Variants in GBE1 observed in about 807,000 individuals in gnomAD.
GBE1 encodes the protein 1,4-alpha-glucan branching enzyme 1, also known as 1,4-alpha-glucan-branching enzyme.
In GBE1, 70 loss-of-function variants were observed where a neutral mutation model predicts 88.8. The ratio of observed to expected loss-of-function variants is 0.79; its 90% CI spans 0.65 to 0.96. GBE1 has a LOEUF of 0.96. Ranked by LOEUF, GBE1 falls within the 40% of genes least tolerant of loss-of-function variation. The probability of loss-of-function intolerance (pLI) is 0.00; values close to 1 mark genes in which losing one functional copy is unlikely to be tolerated. For synonymous variants in GBE1, 284 were observed against 300.1 expected (o/e 0.95, Z 0.56); for missense variants, 872 against 871.0 (o/e 1.00, Z -0.01).
chr3:81,611,466 C>T (rs771893939), intron 7 of GBE1, among the ~76,000 whole-genome samples: 8 of 152,110 alleles, frequency 5.3e-5, no homozygotes, highest in Non-Finnish European at 5.9e-5. Flanking sequence ...TATTCAAAGG[C>T]ACACGATGTA....
At chr3:81,609,331 A>C (rs1704142443) in intron 7 of GBE1, among the ~76,000 whole-genome samples, 2 of 152,186 alleles carry the variant, frequency 1.3e-5, no homozygotes, top group African/African-American at 4.8e-5. Context: ...AAACTGAAAC[A>C]GATATTAAGT....
At chr3:81,573,140 T>C (rs937236086) in intron 12 of GBE1, among the ~76,000 whole-genome samples, 2 of 152,228 alleles carry the variant, frequency 1.3e-5, no homozygotes, top group Admixed American at 1.3e-4. Context: ...TAGTTCTAAC[T>C]GAAGAGTTAA....
At chr3:81,618,410 A>G (rs1404883984) in intron 7 of GBE1, among the ~76,000 whole-genome samples, 1 of 152,116 alleles carries the variant, frequency 6.6e-6, no homozygotes, top group Non-Finnish European at 1.5e-5. Context: ...AAGCTTGCAG[A>G]AAATTAGACA....
At position 81,705,588 on chromosome 3, in the gene GBE1, T is replaced by C. The variant is rs772910188; in HGVS notation, c.169A>G (p.Lys57Glu). Residue 57 changes from lysine (K) to glutamate (E), a missense_variant, in exon 2 of 16, where the codon AAG (lysine) becomes GAG (glutamate). By Grantham distance (56) the Lys-to-Glu change is moderately conservative (BLOSUM62 1). Coordinates refer to ENST00000429644, the MANE Select transcript of GBE1 (RefSeq NM_000158.4). ...RRYKQFSQIL[K>E]NIGENEGGID... ...CCACCTTCATTTTCTCCAATGTTCT[T>C]CAAAATTTGGCTAAACTGCTTATAC... The C allele has an allele frequency of 3.8e-6, 6 of 1,567,690 alleles. No homozygotes were observed. Among genetic ancestry groups the C allele is most frequent in the South Asian group, 1.2e-5 (1 of 84,236 alleles).
At chr3:81,577,243 G>A (rs1703661608) in intron 12 of GBE1, among the ~76,000 whole-genome samples, 2 of 151,956 alleles carry the variant, frequency 1.3e-5, no homozygotes, top group African/African-American at 2.4e-5. Flanking sequence ...CCCACCCTGA[G>A]TCTTTTATTG....
At chr3:81,505,875 T>A (rs1702646726) in intron 14 of GBE1, among the ~76,000 whole-genome samples, 1 of 152,154 alleles carries the variant, frequency 6.6e-6, no homozygotes, top group South Asian at 2.1e-4. Flanking sequence ...GCTAGCCATT[T>A]GTAGAAGACT....
intron 12 of GBE1, among the ~76,000 whole-genome samples, chr3:81,551,181 T>A (rs1703268099): frequency 6.6e-6 from 1 of 152,232 alleles, no homozygotes; most frequent in African/African-American, 2.4e-5. Flanking sequence ...AATACAACTT[T>A]AGAACTACTT....
intron 9 of GBE1, among the ~76,000 whole-genome samples, chr3:81,590,766 C>T (rs1703866322): frequency 6.6e-6 from 1 of 152,060 alleles, no homozygotes. Flanking sequence ...AAGGGCCTGT[C>T]CACTGATTAG....
chr3:81,522,589 T>A (rs1327140674), intron 14 of GBE1, among the ~76,000 whole-genome samples: 3 of 151,576 alleles, frequency 2.0e-5, no homozygotes. Flanking sequence ...GATACAATTC[T>A]CCCATTACCT....
intron 1 of GBE1, among the ~76,000 whole-genome samples, chr3:81,726,339 G>C (rs1317468643): frequency 6.6e-6 from 1 of 152,084 alleles, no homozygotes; most frequent in African/African-American, 2.4e-5. Context: ...TATTGTTTGT[G>C]AGCGTGGTTT....
chr3:81,577,019 A>G (rs929787126), intron 12 of GBE1, among the ~76,000 whole-genome samples: 24 of 152,112 alleles, frequency 1.6e-4, no homozygotes, highest in African/African-American at 5.8e-4. Flanking sequence ...AGTTTACTAC[A>G]ACCTCAGACT....
intron 7 of GBE1, among the ~76,000 whole-genome samples, chr3:81,596,492 G>A (rs1191950399): frequency 6.6e-6 from 1 of 151,834 alleles, no homozygotes; most frequent in Non-Finnish European, 1.5e-5. Flanking sequence ...AAAATAACTA[G>A]TCTTATAAGG....
At chr3:81,622,235 A>G (rs1704342788) in intron 7 of GBE1, among the ~76,000 whole-genome samples, 1 of 152,188 alleles carries the variant, frequency 6.6e-6, no homozygotes. Flanking sequence ...TTTTAGTCCA[A>G]ATAAATGACC....
At chr3:81,666,603 T>C (rs573362741) in intron 3 of GBE1, among the ~76,000 whole-genome samples, 1 of 152,170 alleles carries the variant, frequency 6.6e-6, no homozygotes, top group South Asian at 2.1e-4. Context: ...CAGAGAAAAA[T>C]ATTATTTTTC....
chr3:81,582,303 G>C (rs1488054310), intron 10 of GBE1, among the ~76,000 whole-genome samples: 4 of 152,068 alleles, frequency 2.6e-5, no homozygotes, highest in Non-Finnish European at 5.9e-5. Flanking sequence ...GTCAAAATAA[G>C]AGAAAGATTT....
chr3:81,572,022 G>A (rs1703582466), intron 12 of GBE1, among the ~76,000 whole-genome samples: 1 of 152,194 alleles, frequency 6.6e-6, no homozygotes, highest in South Asian at 2.1e-4. Flanking sequence ...TGTCAAGGGA[G>A]AGACCAGGTG....
intron 10 of GBE1, among the ~76,000 whole-genome samples, chr3:81,584,851 C>T (rs907197744): frequency 2.0e-5 from 3 of 151,552 alleles, no homozygotes; most frequent in African/African-American, 7.3e-5. Flanking sequence ...TTGACGTACA[C>T]CTTAAAACAT....
chr3:81,717,767 T>A (rs1368357688), intron 1 of GBE1, among the ~76,000 whole-genome samples: 60 of 152,028 alleles, frequency 3.9e-4, no homozygotes, highest in Admixed American at 3.9e-3. Context: ...ATTTGGGTGC[T>A]AAAATTTTCC....
chr3:81,760,007 C>T (rs1399681478), intron 1 of GBE1, among the ~76,000 whole-genome samples: 1 of 152,094 alleles, frequency 6.6e-6, no homozygotes, highest in Non-Finnish European at 1.5e-5. Context: ...ATCTTTTGTT[C>T]TAAATTTTTT....
Sources: gnomAD v4.1 joint callset for allele counts (sites outside exome capture counted in the v4.1 genomes callset) on GRCh38, gnomAD v4.1.1 for gene constraint, MANE v1.5 for transcripts, NCBI Gene and HGNC (gene_info 2026-07-23, HGNC 2026-07-21) for gene names.